SLC29A1: variants seen among roughly 807,000 people sequenced by gnomAD.
The protein encoded by SLC29A1 is equilibrative nucleoside transporter 1.
In SLC29A1, 22 loss-of-function variants were observed where a neutral mutation model predicts 48.3. That is an observed-to-expected ratio of 0.46 (90% CI 0.33 to 0.65). SLC29A1 has a LOEUF of 0.65. SLC29A1 is among the 30% of genes least tolerant of loss of function. The probability of loss-of-function intolerance (pLI) is 0.03; values close to 1 mark genes in which losing one functional copy is unlikely to be tolerated. For missense variants in SLC29A1, 491 were observed against 575.3 expected, an observed-to-expected ratio of 0.85 and a Z score of 1.50; for synonymous variants, 228 against 231.0, an observed-to-expected ratio of 0.99 and a Z score of 0.12.
chr6:44,232,851 G>A lies in SLC29A1; in HGVS notation c.1104G>A (p.Arg368=), dbSNP rs369128072. Residue 368 remains arginine (R), a synonymous_variant, in exon 12 of 13, where the codon CGG becomes CGA. Transcript: ENST00000371755. The surrounding 1 kb of genome is among the most constrained non-coding windows in gnomAD (Gnocchi z 4.7). ...GGCTGCCAAGCCTGGTGCTGGCCCG[G>A]CTGGTGTTTGTGCCACTGCTGCTGC... ...SRWLPSLVLA[R]LVFVPLLLLC... 1 of 1,613,656 alleles carries A rather than the reference G, an allele frequency of 6.2e-7. No individual in the cohort carries two copies. The highest frequency in any genetic ancestry group is 8.5e-7 in the Non-Finnish European group (1 of 1,180,034).
chr6:44,230,864 G>T lies in SLC29A1; in HGVS notation c.741G>T (p.Glu247Asp), dbSNP rs750730254. ...QLKLEGPGEQ[E>D]TKLDLISKGE... is the part of the protein sequence containing the mutation. ...AGCTTGAAGGACCCGGGGAGCAGGAGACCAAGTTGGACCTCATTAGCAAAG... is the reference window on the plus strand; with the variant it reads ...AGCTTGAAGGACCCGGGGAGCAGGATACCAAGTTGGACCTCATTAGCAAAG... The change falls in exon 8 of 13, where the codon GAG (glutamate) becomes GAT (aspartate). Residue 247 changes from glutamate (E) to aspartate (D), a missense_variant. Glu to Asp is a conservative substitution (Grantham distance 45). Coordinates refer to ENST00000371755, the MANE Select transcript of SLC29A1 (RefSeq NM_001372327.1). 1.4e-5 allele frequency: 22 copies of T among 1,613,994 alleles called. No homozygotes were observed. The highest frequency in any genetic ancestry group is 1.3e-5 in the African/African-American group (1 of 74,922).
At position 44,230,364 on chromosome 6, in the gene SLC29A1, C is replaced by T. The variant is rs747109376; in HGVS notation, c.472C>T (p.Gln158Ter). 6.2e-7 allele frequency: 1 copy of T among 1,613,300 alleles called. No homozygotes were observed. The highest frequency in any genetic ancestry group is 1.1e-5 in the South Asian group (1 of 91,048). ...VLINSFGAIL[Q>*]GSLFGLAGLL... is the part of the protein sequence containing the mutation. Reference sequence around the variant, plus strand: ...TTCCCCAGCATTTGGTGCCATCCTGCAGGGCAGCCTGTTTGGTCTGGCTGG... The same window carrying T: ...TTCCCCAGCATTTGGTGCCATCCTGTAGGGCAGCCTGTTTGGTCTGGCTGG... Residue 158 changes from glutamine to a stop codon, truncating the protein, a stop_gained, in exon 6 of 13, where the codon CAG becomes TAG. Coordinates refer to ENST00000371755, the MANE Select transcript of SLC29A1 (RefSeq NM_001372327.1). LOFTEE classifies it high-confidence loss of function.
intron 9 of SLC29A1, 128 bp downstream of exon 9, chr6:44,231,589 G>A: frequency 1.5e-6 from 1 of 677,878 alleles, no homozygotes. Context: ...TCTTTTGTGT[G>A]TGCGTGCGTG....
upstream of SLC29A1, chr6:44,223,487 G>C: frequency 1.0e-6 from 1 of 993,564 alleles, no homozygotes; most frequent in Non-Finnish European, 1.2e-6. This position sits in a 1 kb window ranked among gnomAD's most constrained non-coding sequence, Gnocchi z 5.0. Context: ...TGGCAGGGGT[G>C]GGCCGGGGGC....
intron 1 of SLC29A1, chr6:44,226,024 C>A: frequency 5.0e-6 from 4 of 793,704 alleles, no homozygotes; most frequent in Non-Finnish European, 6.1e-6. Context: ...CCTGATAACA[C>A]CCTGTGCCAC....
At chr6:44,220,035 G>T (rs1367680167), upstream of SLC29A1, among the ~76,000 whole-genome samples, 1 of 152,184 alleles carries the variant, frequency 6.6e-6, no homozygotes, top group African/African-American at 2.4e-5. Context: ...AGGGTAGGGG[G>T]AAGAGGTCTG....
chr6:44,230,090 A>G, intron 5 of SLC29A1, 44 bp downstream of exon 5: 1 of 1,597,932 alleles, frequency 6.3e-7, no homozygotes, highest in Non-Finnish European at 8.5e-7. Flanking sequence ...GGCATGCCCA[A>G]CTACCCCCAC....
chr6:44,231,922 C>T, intron 9 of SLC29A1, 76 bp from the exon 10 acceptor site: 1 of 1,116,026 alleles, frequency 9.0e-7, no homozygotes, highest in Non-Finnish European at 1.4e-6. Flanking sequence ...CCACGCCTGG[C>T]CTGGATTCGT....
chr6:44,230,126 A>G (rs1778497684), intron 5 of SLC29A1, 80 bp downstream of exon 5: 2 of 1,574,094 alleles, frequency 1.3e-6, no homozygotes, highest in Admixed American at 1.7e-5. Context: ...AGCGTTAGCC[A>G]GAGAGAAGCC....
chr6:44,227,065 C>T (rs370961833), intron 1 of SLC29A1, 198 bp from the exon 2 acceptor site: 133 of 1,372,362 alleles, frequency 9.7e-5, no homozygotes, highest in Non-Finnish European at 1.2e-4. Context: ...GCAGGGGGGC[C>T]GCGCAGGACT....
chr6:44,226,018 A>G, intron 1 of SLC29A1: 3 of 753,306 alleles, frequency 4.0e-6, no homozygotes, highest in East Asian at 1.3e-4. Flanking sequence ...CTCTCTCCTG[A>G]TAACACCCTG....
upstream of SLC29A1, chr6:44,221,492 T>G: frequency 3.8e-6 from 2 of 526,376 alleles, no homozygotes; most frequent in Non-Finnish European, 6.4e-6. This position sits in a 1 kb window ranked among gnomAD's most constrained non-coding sequence, Gnocchi z 4.2. Flanking sequence ...GGGGAGGGAG[T>G]CTGGGCCAAG....
chr6:44,225,250 A>G (rs1285933863), intron 1 of SLC29A1, among the ~76,000 whole-genome samples: 2 of 152,132 alleles, frequency 1.3e-5, no homozygotes, highest in Non-Finnish European at 2.9e-5. Context: ...TCATGCCTGT[A>G]ATCCCAGCAC....
intron 1 of SLC29A1, chr6:44,227,024 C>G: frequency 7.8e-7 from 1 of 1,275,790 alleles, no homozygotes. Context: ...GTGGCAGCGG[C>G]CAGGCCGGGA....
At chr6:44,230,965 A>G in intron 8 of SLC29A1, 76 bp downstream of exon 8, 1 of 1,122,048 alleles carries the variant, frequency 8.9e-7, no homozygotes, top group Non-Finnish European at 1.4e-6. Flanking sequence ...GAGAACAAAG[A>G]TGAGTGCCCT....
chr6:44,226,046 T>G (rs1777457919), intron 1 of SLC29A1: 3 of 954,422 alleles, frequency 3.1e-6, no homozygotes, highest in Non-Finnish European at 3.7e-6. Flanking sequence ...TTTTTCATTC[T>G]GGATCCGCAC....
At position 44,232,211 on chromosome 6, in the gene SLC29A1, T is replaced by C. The variant is rs1779054336; in HGVS notation, c.973+105T>C. On this transcript the variant is annotated intron_variant, in intron 10 of 12. Transcript: ENST00000371755. This position sits in a 1 kb window ranked among gnomAD's most constrained non-coding sequence, Gnocchi z 4.7. ...GGTCACCTTCTCCCCGTTTCCTGGG[T>C]CCATTTGCCCTTCCCTGGGCTGGAA... 2.6e-6 allele frequency: 3 copies of C among 1,148,422 alleles called. No homozygotes were observed. The highest frequency in any genetic ancestry group is 1.5e-5 in the African/African-American group (1 of 65,844). The allele number at this position is 1,148,422 out of a possible 1,614,324, so 71.1% of individuals were successfully genotyped here. A position where few individuals can be genotyped will look rare whatever the true frequency, so the allele number is the denominator to read the frequency against.
At chr6:44,233,046 G>A (rs748500899) in intron 12 of SLC29A1, 40 bp downstream of exon 12, 1 of 1,591,230 alleles carries the variant, frequency 6.3e-7, no homozygotes, top group Non-Finnish European at 8.6e-7. Flanking sequence ...CATCAGACAG[G>A]ATCTAGAGTT....
intron 9 of SLC29A1, 108 bp from the exon 10 acceptor site, chr6:44,231,889 GC>G: frequency 2.6e-6 from 2 of 769,390 alleles, no homozygotes; most frequent in African/African-American, 3.4e-5. Context: ...CTCCCAAAGT[GC>G]TGAGATTACA....
Sources: gnomAD v4.1 joint callset for allele counts (sites outside exome capture counted in the v4.1 genomes callset) on GRCh38, gnomAD v4.1.1 for gene constraint, Gnocchi (gnomAD v3.1) non-coding constraint, MANE v1.5 for transcripts, NCBI Gene and HGNC (gene_info 2026-07-23, HGNC 2026-07-21) for gene names.